MAEA: variants seen among roughly 807,000 people sequenced by gnomAD.
The protein encoded by MAEA is E3 ubiquitin-protein transferase MAEA.
MAEA carries 22 observed loss-of-function variants against 46.2 expected under a neutral mutation model. The observed-to-expected ratio is 0.48, with a 90% CI of 0.34 to 0.68. The LOEUF (loss-of-function observed/expected upper bound fraction) is 0.68, where lower values mean the gene tolerates loss of function less well. Ranked by LOEUF, MAEA falls within the 30% of genes least tolerant of loss-of-function variation. MAEA has a pLI of 0.01. For synonymous variants in MAEA, 246 were observed against 222.6 expected (o/e 1.11, Z -0.94); for missense variants, 393 against 558.1 (o/e 0.70, Z 2.98).
chr4:1,294,629 C>T (rs974933548), intron 1 of MAEA, among the ~76,000 whole-genome samples: 11 of 151,862 alleles, frequency 7.2e-5, no homozygotes, highest in East Asian at 3.9e-4. Flanking sequence ...CGGCCAGGTA[C>T]GGTCAGGCCC....
intron 5 of MAEA, chr4:1,328,833 T>G (rs1739174762): frequency 1.9e-6 from 2 of 1,044,396 alleles, no homozygotes. Flanking sequence ...AGGCCTCGTC[T>G]TCACGCACGA....
At chr4:1,319,470 G>C (rs2108943854) in intron 3 of MAEA, among the ~76,000 whole-genome samples, 1 of 152,292 alleles carries the variant, frequency 6.6e-6, no homozygotes, top group East Asian at 1.9e-4. Context: ...CATCTTTCAT[G>C]TGACTCTCAC....
At chr4:1,324,237 T>C (rs1270320609) in intron 4 of MAEA, among the ~76,000 whole-genome samples, 1 of 146,996 alleles carries the variant, frequency 6.8e-6, no homozygotes, top group Non-Finnish European at 1.5e-5. Context: ...GGATGCCTGG[T>C]GGATGAGCGT....
chr4:1,299,669 C>A (rs371955944), intron 1 of MAEA: 19 of 152,674 alleles, frequency 1.2e-4, no homozygotes, highest in African/African-American at 4.6e-4. Flanking sequence ...TTACTGCCAC[C>A]TTCCTCTGTC....
At chr4:1,330,041 G>A (rs1362012780) in intron 5 of MAEA, 6 of 985,372 alleles carry the variant, frequency 6.1e-6, no homozygotes, top group South Asian at 4.7e-5. Flanking sequence ...GTGCTGGGCC[G>A]GGCAGGGGGC....
intron 3 of MAEA, among the ~76,000 whole-genome samples, chr4:1,321,871 TTG>T (rs1196222229): frequency 7.4e-5 from 10 of 135,244 alleles, no homozygotes; most frequent in African/African-American, 6.0e-5. Flanking sequence ...GTTTTTTTTG[TTG>T]TTTTTTTTTT....
rs1160859837 is a variant in MAEA at position 1,333,253 on chromosome 4, A to G, written c.765+388A>G. Among the ~76,000 whole-genome samples, 3 of 151,892 alleles carry G rather than the reference A, an allele frequency of 2.0e-5. No individual in the cohort carries two copies. The East Asian group carries it at 5.8e-4, about 29-fold the overall frequency. Reference sequence around the variant, plus strand: ...CTACCCAGGAGGCTGAGGTGGGAGGATCACTTGAGCCCATAAGGTTGAGGC... The same window carrying G: ...CTACCCAGGAGGCTGAGGTGGGAGGGTCACTTGAGCCCATAAGGTTGAGGC... On this transcript the variant is annotated intron_variant, in intron 6 of 8. Transcript: ENST00000303400.
chr4:1,298,956 A>C (rs917037119), intron 1 of MAEA, among the ~76,000 whole-genome samples: 3 of 152,134 alleles, frequency 2.0e-5, no homozygotes, highest in Non-Finnish European at 2.9e-5. Flanking sequence ...ATCACAGCTC[A>C]CTTCAGCCTT....
intron 6 of MAEA, among the ~76,000 whole-genome samples, chr4:1,334,278 G>A (rs993774527): frequency 1.3e-5 from 2 of 151,040 alleles, no homozygotes; most frequent in African/African-American, 2.4e-5. Context: ...ACCAGTCTCT[G>A]TCAGAGGCCG....
chr4:1,314,259 G>A (rs1018808945), intron 2 of MAEA, among the ~76,000 whole-genome samples: 3 of 152,002 alleles, frequency 2.0e-5, no homozygotes, highest in African/African-American at 7.3e-5. Flanking sequence ...CCCAGGAGCT[G>A]GAGGTTGCAG....
intron 4 of MAEA, among the ~76,000 whole-genome samples, chr4:1,324,895 A>G (rs1240470917): frequency 3.3e-5 from 4 of 119,984 alleles, no homozygotes; most frequent in Non-Finnish European, 5.2e-5. Context: ...ATGAGTTGAG[A>G]TTGGATGAGC....
intron 1 of MAEA, among the ~76,000 whole-genome samples, chr4:1,300,855 C>T (rs561776736): frequency 4.6e-5 from 7 of 152,294 alleles, no homozygotes; most frequent in South Asian, 2.1e-4. Flanking sequence ...TTCAAGAAGC[C>T]TCTTAGGGGA....
At chr4:1,293,097 T>C (rs1279751747) in intron 1 of MAEA, among the ~76,000 whole-genome samples, 1 of 152,132 alleles carries the variant, frequency 6.6e-6, no homozygotes, top group Non-Finnish European at 1.5e-5. Context: ...GGTTTCTCCA[T>C]GTTGTCCAGC....
intron 1 of MAEA, among the ~76,000 whole-genome samples, chr4:1,294,084 C>T (rs1343162738): frequency 6.6e-6 from 1 of 152,240 alleles, no homozygotes; most frequent in Non-Finnish European, 1.5e-5. Flanking sequence ...TCCACCTCTT[C>T]TGTGGCCGGC....
At chr4:1,321,231 G>A (rs1332600227) in intron 3 of MAEA, among the ~76,000 whole-genome samples, 2 of 151,882 alleles carry the variant, frequency 1.3e-5, no homozygotes, top group African/African-American at 4.8e-5. Flanking sequence ...GCAAGAAAAC[G>A]CTATGAAGGG....
rs902218973 is a variant in MAEA, at chr4:1,319,625, C to G, written c.457-2756C>G. On this transcript the variant is annotated intron_variant, in intron 3 of 8. Transcript: ENST00000303400. ...TTAGAGCAAAACTACAAAACAAGGC[C>G]TTTGGGAGACCAGGGTGGGAGCATC... 9.1e-5 allele frequency among the ~76,000 whole-genome samples: 2 copies of G among 22,034 alleles called. 1 individual carries two copies. Among genetic ancestry groups the G allele is most frequent in the African/African-American group, 2.4e-3 (2 of 822 alleles). 14.5% of individuals were successfully genotyped at this position (22,034 alleles called of 152,430 possible). A position where few individuals can be genotyped will look rare whatever the true frequency, so the allele number is the denominator to read the frequency against.
chr4:1,289,892 C>T lies in MAEA; in HGVS notation c.-22C>T, dbSNP rs201086420. 117 of 1,586,212 alleles carry T rather than the reference C, an allele frequency of 7.4e-5. 1 individual carries two copies. The Middle Eastern group carries it at 1.4e-3, about 19-fold the overall frequency. On this transcript the variant is annotated 5_prime_UTR_variant, in exon 1 of 9. Coordinates refer to ENST00000303400, the MANE Select transcript of MAEA (RefSeq NM_001017405.3). Reference sequence around the variant, plus strand: ...AGCGCGCTCGCGCGTCCCCCGCCCGCTAATGTTTTGGCCGCTTCAAGATGG... The same window carrying T: ...AGCGCGCTCGCGCGTCCCCCGCCCGTTAATGTTTTGGCCGCTTCAAGATGG...
In MAEA at chr4:1,338,621, A is replaced by AG. The variant is rs1713113586; in HGVS notation, c.1095+10dup. On this transcript the variant is annotated splice_donor_region_variant and intron_variant, in intron 8 of 8. Transcript: ENST00000303400. ...CGGCTACGTCTACGGCTACAATGTG[A>AG]GGGGGGCAGGGCAGGGGGGCCAGGC... The AG allele has an allele frequency of 6.3e-7, 1 of 1,594,518 alleles. No individual in the cohort carries two copies. Among genetic ancestry groups the AG allele is most frequent in the South Asian group, 1.1e-5 (1 of 89,222 alleles).
At chr4:1,309,603 G>A (rs1356432231) in intron 1 of MAEA, 23 of 1,512,138 alleles carry the variant, frequency 1.5e-5, no homozygotes, top group Non-Finnish European at 1.9e-5. Flanking sequence ...GAGGTGGGAG[G>A]AGCGTGCGCA....
Sources: gnomAD v4.1 joint callset for allele counts (sites outside exome capture counted in the v4.1 genomes callset) on GRCh38, gnomAD v4.1.1 for gene constraint, MANE v1.5 for transcripts, NCBI Gene and HGNC (gene_info 2026-07-23, HGNC 2026-07-21) for gene names.